The following ROBO1 variants were observed in gnomAD, a reference collection of about 807,000 sequenced individuals.
ROBO1 encodes the protein roundabout guidance receptor 1.
In ROBO1, 149 loss-of-function variants were observed where a neutral mutation model predicts 195.9. The observed-to-expected ratio is 0.76, with a 90% confidence interval of 0.67 to 0.87. ROBO1 has a LOEUF of 0.87. Among genes scored for constraint, ROBO1 ranks in the 40% least tolerant of loss-of-function variants. The probability of loss-of-function intolerance (pLI) is 0.00; values close to 1 mark genes in which losing one functional copy is unlikely to be tolerated. For synonymous variants in ROBO1, 816 were observed against 733.2 expected (o/e 1.11, Z -1.82); for missense variants, 1,933 against 2,068.3 (o/e 0.93, Z 1.27).
At chr3:79,600,837 A>T (rs922749898) in intron 1 of ROBO1, among the ~76,000 whole-genome samples, 1 of 152,032 alleles carries the variant, frequency 6.6e-6, no homozygotes, top group Admixed American at 6.6e-5. Context: ...AAAAACATGA[A>T]TATACCAAAA....
intron 2 of ROBO1, among the ~76,000 whole-genome samples, chr3:79,293,749 C>G (rs1200408684): frequency 6.6e-6 from 1 of 152,076 alleles, no homozygotes; most frequent in Non-Finnish European, 1.5e-5. Flanking sequence ...CATTGACTTT[C>G]TTCACAGAAT....
At chr3:79,533,028 G>C (rs1483346829) in intron 2 of ROBO1, 6 of 365,630 alleles carry the variant, frequency 1.6e-5, no homozygotes, top group Non-Finnish European at 3.2e-5. Flanking sequence ...GAGAAGAATT[G>C]ATCCTTTAAA....
intron 3 of ROBO1, among the ~76,000 whole-genome samples, chr3:79,094,273 ATG>A (rs1431061741): frequency 2.0e-5 from 3 of 152,120 alleles, no homozygotes; most frequent in Admixed American, 6.6e-5. Flanking sequence ...AAAACTTAAA[ATG>A]TTGAATAAAG....
chr3:79,303,707 T>C (rs2033088103), intron 2 of ROBO1, among the ~76,000 whole-genome samples: 1 of 152,142 alleles, frequency 6.6e-6, no homozygotes, highest in African/African-American at 2.4e-5. Context: ...TGGAACAACA[T>C]GGATAAACCT....
At chr3:79,549,188 A>G (rs530897242) in intron 2 of ROBO1, among the ~76,000 whole-genome samples, 1 of 152,330 alleles carries the variant, frequency 6.6e-6, no homozygotes, top group Non-Finnish European at 1.5e-5. Flanking sequence ...TTGTTAATTC[A>G]CTGTACATCT....
intron 1 of ROBO1, among the ~76,000 whole-genome samples, chr3:79,601,475 A>G (rs543537624): frequency 6.6e-6 from 1 of 152,118 alleles, no homozygotes; most frequent in South Asian, 2.1e-4. Context: ...GAGATGGCAA[A>G]GGTCTCTATT....
chr3:79,233,549 G>A (rs1164828429), intron 2 of ROBO1, among the ~76,000 whole-genome samples: 1 of 152,066 alleles, frequency 6.6e-6, no homozygotes, highest in Non-Finnish European at 1.5e-5. Flanking sequence ...ATCCAATGCA[G>A]AGAAGCCAAA....
intron 2 of ROBO1, among the ~76,000 whole-genome samples, chr3:79,469,260 T>C (rs1322853606): frequency 2.6e-5 from 4 of 152,018 alleles, no homozygotes; most frequent in Non-Finnish European, 5.9e-5. Context: ...GAAAATTAAT[T>C]AGCAAAAAAT....
At chr3:79,276,494 C>A (rs1377229668) in intron 2 of ROBO1, among the ~76,000 whole-genome samples, 1 of 151,818 alleles carries the variant, frequency 6.6e-6, no homozygotes, top group African/African-American at 2.4e-5. Flanking sequence ...AGACTTAAAT[C>A]TAAGACCTCA....
intron 2 of ROBO1, among the ~76,000 whole-genome samples, chr3:79,127,339 A>C: frequency 6.6e-6 from 1 of 152,244 alleles, no homozygotes; most frequent in East Asian, 1.9e-4. Context: ...TGTTGTAGGA[A>C]GATCATCAGA....
chr3:78,854,890 T>C (rs942648849), intron 4 of ROBO1, among the ~76,000 whole-genome samples: 1 of 152,152 alleles, frequency 6.6e-6, no homozygotes, highest in Non-Finnish European at 1.5e-5. Context: ...AACAAGAGTT[T>C]TCCAGGGAAC....
intron 7 of ROBO1, among the ~76,000 whole-genome samples, chr3:78,716,843 A>T (rs2081914863): frequency 6.6e-6 from 1 of 152,108 alleles, no homozygotes; most frequent in African/African-American, 2.4e-5. Context: ...GACAGATATC[A>T]AGAAACTCCA....
intron 4 of ROBO1, among the ~76,000 whole-genome samples, chr3:78,822,608 A>G (rs1291701208): frequency 2.0e-5 from 3 of 152,210 alleles, no homozygotes; most frequent in Non-Finnish European, 4.4e-5. Context: ...TATACCACAT[A>G]TTATATATTT....
In ROBO1 at chr3:78,738,294, C is replaced by G. The variant is rs142822362; in HGVS notation, c.657+8449G>C. Among the ~76,000 whole-genome samples the G allele has an allele frequency of 7.4e-4, 112 of 152,158 alleles. 1 individual carries two copies. The highest frequency in any genetic ancestry group is 6.2e-3 in the East Asian group (32 of 5,166). On this transcript the variant is annotated intron_variant, in intron 5 of 30. Transcript: ENST00000464233. The stretch of plus-strand genomic sequence containing the variant: ...AATCAAAGAAACCTACAAAGACACA[C>G]AGGAAGCAGAAAAGGACTAGGAAAA...
At chr3:78,740,479 T>C (rs907111028) in intron 5 of ROBO1, among the ~76,000 whole-genome samples, 1 of 146,752 alleles carries the variant, frequency 6.8e-6, no homozygotes, top group Non-Finnish European at 1.5e-5. Context: ...TCTTTCTTTC[T>C]TTTTTTTTTG....
intron 8 of ROBO1, among the ~76,000 whole-genome samples, chr3:78,707,688 G>A (rs1288267826): frequency 6.6e-6 from 1 of 152,054 alleles, no homozygotes; most frequent in Non-Finnish European, 1.5e-5. Flanking sequence ...GCATCACCTG[G>A]TTTGGCAATG....
intron 4 of ROBO1, among the ~76,000 whole-genome samples, chr3:78,884,194 T>C (rs2036361051): frequency 6.6e-6 from 1 of 152,162 alleles, no homozygotes; most frequent in African/African-American, 2.4e-5. Flanking sequence ...AGAATCACTA[T>C]AGGATTATAA....
At chr3:78,652,022 G>A (rs997260028) in intron 18 of ROBO1, 93 bp from the exon 19 acceptor site, 3 of 991,986 alleles carry the variant, frequency 3.0e-6, no homozygotes, top group Non-Finnish European at 3.0e-6. Flanking sequence ...TTAATTTCTG[G>A]ATAATGATTT....
intron 2 of ROBO1, among the ~76,000 whole-genome samples, chr3:79,472,286 A>G (rs546590045): frequency 6.8e-4 from 104 of 152,198 alleles, no homozygotes; most frequent in Non-Finnish European, 1.3e-3. Flanking sequence ...AGTGTTTAGG[A>G]TTAGAAATTC....
Sources: allele counts gnomAD v4.1 joint callset (sites outside exome capture counted in the v4.1 genomes callset), GRCh38; gene constraint gnomAD v4.1.1; transcripts MANE v1.5; gene names NCBI Gene and HGNC (gene_info 2026-07-23, HGNC 2026-07-21).